CADPS: variants seen among roughly 807,000 people sequenced by gnomAD.
The protein encoded by CADPS is calcium-dependent secretion activator 1.
In CADPS, 57 loss-of-function variants were observed where a neutral mutation model predicts 167.3. The ratio of observed to expected loss-of-function variants is 0.34; its 90% confidence interval spans 0.28 to 0.42. The LOEUF (loss-of-function observed/expected upper bound fraction) is 0.42. CADPS is among the 20% of genes least tolerant of loss of function. CADPS has a pLI of 1.00. For synonymous variants in CADPS, 676 were observed against 635.3 expected, an observed-to-expected ratio of 1.06 and a Z score of -0.96; for missense variants, 1,414 against 1,738.1, an observed-to-expected ratio of 0.81 and a Z score of 3.32.
chr3:62,635,438 A>G (rs1209637967), intron 6 of CADPS, among the ~76,000 whole-genome samples: 1 of 152,170 alleles, frequency 6.6e-6, no homozygotes, highest in Admixed American at 6.6e-5. Flanking sequence ...GAACATCCAA[A>G]AAACAACACC....
intron 1 of CADPS, among the ~76,000 whole-genome samples, chr3:62,846,585 T>C (rs2077472664): frequency 6.6e-6 from 1 of 152,226 alleles, no homozygotes; most frequent in African/African-American, 2.4e-5. Context: ...TTAATCAATT[T>C]GCAAAATATG....
chr3:62,785,914 G>GAAAAAAAAAAAA (rs571340822), intron 1 of CADPS, among the ~76,000 whole-genome samples: 1 of 112,530 alleles, frequency 8.9e-6, no homozygotes, highest in African/African-American at 3.1e-5. Flanking sequence ...TTTTCAAAAA[G>GAAAAAAAAAAAA]AAAAAAAAAA....
At chr3:62,824,208 G>T (rs2073605426) in intron 1 of CADPS, among the ~76,000 whole-genome samples, 1 of 149,266 alleles carries the variant, frequency 6.7e-6, no homozygotes, top group Admixed American at 6.7e-5. Flanking sequence ...GAAAGAAAAA[G>T]AATGTCTTCA....
chr3:62,684,401 G>A (rs923563731), intron 3 of CADPS, among the ~76,000 whole-genome samples: 3 of 151,990 alleles, frequency 2.0e-5, no homozygotes, highest in Non-Finnish European at 4.4e-5. Context: ...CTCAGCTTGT[G>A]TATTGCCTAC....
At chr3:62,688,174 T>C (rs969772230) in intron 3 of CADPS, among the ~76,000 whole-genome samples, 3 of 152,036 alleles carry the variant, frequency 2.0e-5, no homozygotes, top group Admixed American at 2.0e-4. Context: ...GTCCTATTCA[T>C]TGTAGGATGT....
At chr3:62,491,918 T>C (rs934886938) in intron 20 of CADPS, among the ~76,000 whole-genome samples, 5 of 152,198 alleles carry the variant, frequency 3.3e-5, no homozygotes, top group African/African-American at 1.2e-4. Context: ...TAACATACTC[T>C]GAAATGCTTG....
intron 6 of CADPS, among the ~76,000 whole-genome samples, chr3:62,604,398 C>G (rs1470261375): frequency 6.6e-6 from 1 of 152,200 alleles, no homozygotes; most frequent in Non-Finnish European, 1.5e-5. Flanking sequence ...AGGACAGGAA[C>G]AATGACTTCC....
At chr3:62,418,324 C>CTTT (rs1227861106) in intron 28 of CADPS, among the ~76,000 whole-genome samples, 81 of 115,080 alleles carry the variant, frequency 7.0e-4, no homozygotes, top group Admixed American at 6.3e-4. Context: ...TTTTTTCTCT[C>CTTT]TTTTTTTTTT....
At chr3:62,679,501 C>T (rs1462490639) in intron 3 of CADPS, among the ~76,000 whole-genome samples, 3 of 151,946 alleles carry the variant, frequency 2.0e-5, no homozygotes, top group South Asian at 2.1e-4. Context: ...GAAGATCTCC[C>T]TAAGAGTAGC....
chr3:62,859,914 T>C (rs536498004), intron 1 of CADPS, among the ~76,000 whole-genome samples: 1 of 152,192 alleles, frequency 6.6e-6, no homozygotes, highest in African/African-American at 2.4e-5. Flanking sequence ...CACCCAGAAG[T>C]CTACATTATC....
At chr3:62,516,946 A>G (rs1220571930) in intron 14 of CADPS, among the ~76,000 whole-genome samples, 5 of 152,154 alleles carry the variant, frequency 3.3e-5, no homozygotes, top group Non-Finnish European at 5.9e-5. Flanking sequence ...GTTAGCTCAA[A>G]TGTGACCTTA....
chr3:62,406,118 G>C (rs1442694955), intron 28 of CADPS, among the ~76,000 whole-genome samples: 1 of 152,236 alleles, frequency 6.6e-6, no homozygotes, highest in African/African-American at 2.4e-5. Flanking sequence ...GGATGGAGCA[G>C]TGTGTTTGCC....
At position 62,753,856 on chromosome 3, in the gene CADPS, T is replaced by A. The variant is rs550469606; in HGVS notation, c.556-83A>T. On this transcript the variant is annotated intron_variant, in intron 2 of 29. Transcript: ENST00000383710. The surrounding 1 kb of genome is among the most constrained non-coding windows in gnomAD (Gnocchi z 4.6). ...TCCCTGGGGCTGGACACTGGGCCAGTCCACCTCACGTGCATCCCAGGAGGA... is the reference window on the plus strand; with the variant it reads ...TCCCTGGGGCTGGACACTGGGCCAGACCACCTCACGTGCATCCCAGGAGGA... 1 of 1,323,812 alleles carries A rather than the reference T, an allele frequency of 7.6e-7. No homozygotes were observed. The highest frequency in any genetic ancestry group is 1.4e-5 in the South Asian group (1 of 69,606). The allele number at this position is 1,323,812 out of a possible 1,614,324, so 82.0% of individuals were successfully genotyped here.
intron 3 of CADPS, among the ~76,000 whole-genome samples, chr3:62,706,061 G>T (rs1434347238): frequency 6.6e-6 from 1 of 152,092 alleles, no homozygotes; most frequent in African/African-American, 2.4e-5. Flanking sequence ...TATCTGGGCT[G>T]CCACCCTCGG....
At chr3:62,591,662 G>A (rs1033935744) in intron 7 of CADPS, among the ~76,000 whole-genome samples, 2 of 152,156 alleles carry the variant, frequency 1.3e-5, no homozygotes, top group African/African-American at 4.8e-5. Context: ...AAATATTACT[G>A]GCTTCTTGGT....
chr3:62,866,227 A>G (rs994724671), intron 1 of CADPS, among the ~76,000 whole-genome samples: 2 of 152,232 alleles, frequency 1.3e-5, no homozygotes, highest in Non-Finnish European at 1.5e-5. Flanking sequence ...TTTCTGTAAC[A>G]TAACTTATTT....
chr3:62,429,771 C>T (rs146229008), intron 28 of CADPS, among the ~76,000 whole-genome samples: 145 of 152,098 alleles, frequency 9.5e-4, no homozygotes, highest in African/African-American at 3.4e-3. Flanking sequence ...AACAAGAATA[C>T]TGTGACCTTA....
At chr3:62,645,639 C>A in intron 6 of CADPS, 83 bp downstream of exon 6, 1 of 1,453,470 alleles carries the variant, frequency 6.9e-7, no homozygotes, top group Non-Finnish European at 9.5e-7. Context: ...CTGGGGAAAC[C>A]AGATCTTTAC....
intron 6 of CADPS, among the ~76,000 whole-genome samples, chr3:62,629,728 T>G: frequency 6.6e-6 from 1 of 151,866 alleles, no homozygotes; most frequent in East Asian, 1.9e-4. Flanking sequence ...CTCTTTTTAC[T>G]TTACCTCTTG....
Sources: allele counts gnomAD v4.1 joint callset (sites outside exome capture counted in the v4.1 genomes callset), GRCh38; gene constraint gnomAD v4.1.1; non-coding constraint Gnocchi (gnomAD v3.1); transcripts MANE v1.5; gene names NCBI Gene and HGNC (gene_info 2026-07-23, HGNC 2026-07-21).